The following ARMC8 variants were observed in gnomAD, a reference collection of about 807,000 sequenced individuals.
ARMC8 encodes the protein armadillo repeat containing 8.
ARMC8 carries 20 observed loss-of-function variants against 99.3 expected under a neutral mutation model. The ratio of observed to expected loss-of-function variants is 0.20; its 90% confidence interval spans 0.14 to 0.29. ARMC8 has a LOEUF of 0.29. Among genes scored for constraint, ARMC8 ranks in the 10% least tolerant of loss-of-function variants. ARMC8 has a pLI of 1.00. For missense variants in ARMC8, 569 were observed against 809.5 expected, an observed-to-expected ratio of 0.70 and a Z score of 3.60; for synonymous variants, 263 against 278.3, an observed-to-expected ratio of 0.95 and a Z score of 0.55.
chr3:138,229,050 T>C (rs1237199043), intron 6 of ARMC8, 40 bp downstream of exon 6: 2 of 1,456,024 alleles, frequency 1.4e-6, no homozygotes, highest in Non-Finnish European at 1.9e-6. Flanking sequence ...TGTAAAATCT[T>C]ATTATGCCTT....
rs112221028 is a variant in ARMC8, at chr3:138,246,706, C to CTAT, written c.1134+1524_1134+1525insATT. ...TTCTTTGTACTTTTTTGTTAATAAA[C>CTAT]TGTTTTGGAATTAATGGCTTAATTT... On this transcript the variant is annotated intron_variant, in intron 12 of 21. Transcript: ENST00000469044. 14,112 of 985,152 alleles carry CTAT rather than the reference C, an allele frequency of 0.014. 1,519 individuals are homozygous for CTAT. The African/African-American group carries it at 0.23, about 16-fold the overall frequency. The allele number at this position is 985,152 out of a possible 1,614,324, so 61.0% of individuals were successfully genotyped here.
intron 11 of ARMC8, 95 bp from the exon 12 acceptor site, chr3:138,244,993 A>T: frequency 6.8e-7 from 1 of 1,464,072 alleles, no homozygotes; most frequent in Non-Finnish European, 9.2e-7. Context: ...ACTAAAATCT[A>T]AAAGTTGTAA....
chr3:138,205,792 A>G (rs541319815), intron 1 of ARMC8, among the ~76,000 whole-genome samples: 6 of 152,302 alleles, frequency 3.9e-5, no homozygotes, highest in African/African-American at 1.4e-4. Flanking sequence ...TAAACAAAAC[A>G]TAAGATAAGT....
intron 14 of ARMC8, among the ~76,000 whole-genome samples, chr3:138,266,253 G>T (rs2048275141): frequency 6.6e-6 from 1 of 152,000 alleles, no homozygotes; most frequent in African/African-American, 2.4e-5. Flanking sequence ...CTCATTAAGA[G>T]CCCCAAATCT....
chr3:138,281,314 TAG>T (rs948731162), intron 18 of ARMC8, among the ~76,000 whole-genome samples: 1 of 151,378 alleles, frequency 6.6e-6, no homozygotes, highest in African/African-American at 2.4e-5. Context: ...TTTTTTTTGA[TAG>T]AGAGTCTCAC....
intron 20 of ARMC8, among the ~76,000 whole-genome samples, chr3:138,289,671 G>GGGGT (rs1272403250): frequency 1.3e-5 from 2 of 152,100 alleles, no homozygotes; most frequent in African/African-American, 4.8e-5. Flanking sequence ...AGAATCTCTC[G>GGGGT]GGGTGGGCTC....
intron 7 of ARMC8, among the ~76,000 whole-genome samples, chr3:138,236,296 T>C (rs974700067): frequency 6.6e-6 from 1 of 152,238 alleles, no homozygotes; most frequent in African/African-American, 2.4e-5. Flanking sequence ...TCCTGTGCCA[T>C]GCAAAGGCTA....
At chr3:138,233,748 T>G (rs2046184687) in intron 6 of ARMC8, among the ~76,000 whole-genome samples, 1 of 152,194 alleles carries the variant, frequency 6.6e-6, no homozygotes. Flanking sequence ...GCTTAAATAA[T>G]GGGTTGGAGA....
chr3:138,259,279 C>T (rs1335306651), intron 12 of ARMC8, among the ~76,000 whole-genome samples: 1 of 152,178 alleles, frequency 6.6e-6, no homozygotes, highest in South Asian at 2.1e-4. Flanking sequence ...ACTACCAGCT[C>T]CTTCCCTGCT....
chr3:138,263,974 G>T (rs2048006720), intron 13 of ARMC8, 153 bp downstream of exon 13: 5 of 952,062 alleles, frequency 5.3e-6, no homozygotes, highest in Non-Finnish European at 8.2e-6. Flanking sequence ...CTAACAGAGA[G>T]CCTGGCCTCC....
intron 21 of ARMC8, among the ~76,000 whole-genome samples, chr3:138,294,514 A>G (rs1057249371): frequency 1.3e-5 from 2 of 152,208 alleles, no homozygotes; most frequent in African/African-American, 2.4e-5. Context: ...ACTATTCACA[A>G]TATCATCTTT....
chr3:138,201,157 C>G (rs2044041306), intron 1 of ARMC8, among the ~76,000 whole-genome samples: 1 of 151,620 alleles, frequency 6.6e-6, no homozygotes, highest in East Asian at 1.9e-4. Context: ...GGTGATCCAC[C>G]CACCTTGGCC....
intron 5 of ARMC8, 140 bp downstream of exon 5, chr3:138,223,873 C>A (rs1375752755): frequency 1.1e-5 from 8 of 702,416 alleles, no homozygotes; most frequent in Non-Finnish European, 1.9e-5. Context: ...CCAGTAATCC[C>A]AGTGCTTTGG....
At chr3:138,217,537 C>A (rs2045136084) in intron 2 of ARMC8, among the ~76,000 whole-genome samples, 1 of 151,840 alleles carries the variant, frequency 6.6e-6, no homozygotes, top group South Asian at 2.1e-4. Context: ...TATGCAAGCC[C>A]TTTTTCTCTG....
At chr3:138,225,454 C>T (rs369803098) in intron 5 of ARMC8, among the ~76,000 whole-genome samples, 1 of 152,194 alleles carries the variant, frequency 6.6e-6, no homozygotes, top group East Asian at 1.9e-4. Flanking sequence ...TTGTAAATTA[C>T]AGTCACTTTA....
intron 10 of ARMC8, among the ~76,000 whole-genome samples, chr3:138,240,163 A>G (rs2046540008): frequency 6.6e-6 from 1 of 152,188 alleles, no homozygotes; most frequent in Non-Finnish European, 1.5e-5. Context: ...CTGCTCATCT[A>G]TGCACAGGGT....
chr3:138,197,491 C>A (rs2043805498), intron 1 of ARMC8, among the ~76,000 whole-genome samples: 1 of 152,108 alleles, frequency 6.6e-6, no homozygotes, highest in Non-Finnish European at 1.5e-5. Context: ...TCTTATGGGC[C>A]AGGACAACAC....
intron 1 of ARMC8, among the ~76,000 whole-genome samples, chr3:138,205,595 T>G (rs1013870670): frequency 1.3e-5 from 2 of 152,156 alleles, no homozygotes; most frequent in East Asian, 3.9e-4. Context: ...TTCCTTCCCT[T>G]TCTCCACACG....
intron 2 of ARMC8, among the ~76,000 whole-genome samples, chr3:138,213,410 T>G (rs2044818641): frequency 6.6e-6 from 1 of 152,198 alleles, no homozygotes; most frequent in African/African-American, 2.4e-5. Context: ...TAGCATAAAC[T>G]TGAATTGTCC....
Sources: allele counts gnomAD v4.1 joint callset (sites outside exome capture counted in the v4.1 genomes callset), GRCh38; gene constraint gnomAD v4.1.1; transcripts MANE v1.5; gene names NCBI Gene and HGNC (gene_info 2026-07-23, HGNC 2026-07-21).